TBL1X: variants seen among roughly 807,000 people sequenced by gnomAD.
The protein encoded by TBL1X is F-box-like/WD repeat-containing protein TBL1X.
In TBL1X, 10 loss-of-function variants were observed where a neutral mutation model predicts 50.7. The observed-to-expected ratio is 0.20, with a 90% CI of 0.12 to 0.33. TBL1X has a LOEUF of 0.33. Ranked by LOEUF, TBL1X falls within the 10% of genes least tolerant of loss-of-function variation. TBL1X has a pLI of 1.00. For missense variants in TBL1X, 340 were observed against 504.4 expected (o/e 0.67, Z 3.12); for synonymous variants, 190 against 214.7 (o/e 0.88, Z 1.01).
chrX:9,506,403 A>G (rs1483054545), intron 2 of TBL1X, among the ~76,000 whole-genome samples: 1 of 111,784 alleles, frequency 8.9e-6, no homozygotes, highest in African/African-American at 3.3e-5. Context: ...GAGAGGCAAG[A>G]GCAAACTAAT....
intron 2 of TBL1X, among the ~76,000 whole-genome samples, chrX:9,518,204 T>C (rs1312147564): frequency 1.8e-5 from 2 of 112,339 alleles, no homozygotes; most frequent in African/African-American, 6.5e-5. Context: ...TGCCCATTCA[T>C]GGACATATTT....
At chrX:9,518,405 A>G (rs1194489898) in intron 2 of TBL1X, among the ~76,000 whole-genome samples, 1 of 111,196 alleles carries the variant, frequency 9.0e-6, no homozygotes, top group Non-Finnish European at 1.9e-5. Flanking sequence ...CTTCATTTCC[A>G]CCCTACTCTC....
chrX:9,481,455 CTGTT>C (rs2081882115), intron 1 of TBL1X, among the ~76,000 whole-genome samples: 1 of 112,077 alleles, frequency 8.9e-6, no homozygotes, highest in East Asian at 2.8e-4. Context: ...AATTTGAAAA[CTGTT>C]TGCAAGTATA....
At chrX:9,689,739 C>T (rs935825823) in intron 7 of TBL1X, among the ~76,000 whole-genome samples, 6 of 112,889 alleles carry the variant, frequency 5.3e-5, no homozygotes, top group Non-Finnish European at 9.4e-5. Context: ...CCTGCCACTG[C>T]GTGGCTGGCT....
chrX:9,551,156 C>T (rs902694433), intron 2 of TBL1X, among the ~76,000 whole-genome samples: 4 of 111,470 alleles, frequency 3.6e-5, no homozygotes, highest in African/African-American at 1.3e-4. Flanking sequence ...GTATGCAGTG[C>T]ACCTGTCCCC....
chrX:9,535,616 C>A (rs1344621882), intron 2 of TBL1X, among the ~76,000 whole-genome samples: 1 of 112,239 alleles, frequency 8.9e-6, no homozygotes, highest in East Asian at 2.8e-4. Context: ...GTGAAAATAA[C>A]CTTGCACTCT....
At chrX:9,580,382 C>G (rs1408451355) in intron 2 of TBL1X, among the ~76,000 whole-genome samples, 1 of 111,856 alleles carries the variant, frequency 8.9e-6, no homozygotes, top group Non-Finnish European at 1.9e-5. Flanking sequence ...CGGGACAACT[C>G]AAAGTGGGGA....
intron 1 of TBL1X, among the ~76,000 whole-genome samples, chrX:9,496,285 C>G (rs1475507657): frequency 8.9e-6 from 1 of 112,113 alleles, no homozygotes; most frequent in Non-Finnish European, 1.9e-5. Context: ...TTTTGGCCAA[C>G]AAGCCAGAGA....
Position 9,616,819 on chromosome X carries a change from G to A in TBL1X, c.-130-23454G>A, listed in dbSNP as rs1340765561. On this transcript the variant is annotated intron_variant, in intron 2 of 17. Coordinates refer to ENST00000645353, the MANE Select transcript of TBL1X (RefSeq NM_005647.4). ...GTTCTGAATGCTCCTGTTGTCCTGTGAGGTGAATTTCCATTTGGTGAAGAT... is the reference window on the plus strand; with the variant it reads ...GTTCTGAATGCTCCTGTTGTCCTGTAAGGTGAATTTCCATTTGGTGAAGAT... 3.6e-5 allele frequency among the ~76,000 whole-genome samples: 4 copies of A among 111,808 alleles called. No homozygotes were observed. In the Admixed American group the frequency reaches 3.8e-4, roughly 11 times the overall value.
rs112697046 is a variant in TBL1X, at chrX:9,588,283, A to G, written c.-130-51990A>G. ...AGGATACTCGGATTTTGGTATCTGC[A>G]GGGGTCCTGGACCCATCCCCTGTGG... On this transcript the variant is annotated intron_variant, in intron 2 of 17. Coordinates refer to ENST00000645353, the MANE Select transcript of TBL1X (RefSeq NM_005647.4). Among the ~76,000 whole-genome samples the G allele has an allele frequency of 7.4e-3, 821 of 111,597 alleles. 9 individuals carry two copies. The highest frequency in any genetic ancestry group is 0.025 in the African/African-American group (777 of 30,647).
At chrX:9,481,721 C>T (rs953537449) in intron 1 of TBL1X, among the ~76,000 whole-genome samples, 15 of 112,089 alleles carry the variant, frequency 1.3e-4, no homozygotes, top group African/African-American at 4.9e-4. Context: ...GGTCCAGGAG[C>T]TCCAAGTTAT....
chrX:9,579,057 G>GT (rs2082426883), intron 2 of TBL1X, among the ~76,000 whole-genome samples: 1 of 111,859 alleles, frequency 8.9e-6, no homozygotes, highest in South Asian at 3.8e-4. Flanking sequence ...GCAATGTATT[G>GT]TTTTTTCTTC....
chrX:9,481,227 C>T (rs1004320035), intron 1 of TBL1X, among the ~76,000 whole-genome samples: 3 of 112,118 alleles, frequency 2.7e-5, no homozygotes, highest in Non-Finnish European at 5.6e-5. Flanking sequence ...TCATGGATAT[C>T]GAGCAGAACA....
chrX:9,486,215 G>A (rs139774287), intron 1 of TBL1X, among the ~76,000 whole-genome samples: 4 of 108,083 alleles, frequency 3.7e-5, no homozygotes, highest in African/African-American at 1.4e-4. Flanking sequence ...ATGGTACCTG[G>A]ACATTTTTTT....
chrX:9,623,797 A>C (rs1303358255), intron 2 of TBL1X, among the ~76,000 whole-genome samples: 2 of 112,298 alleles, frequency 1.8e-5, no homozygotes, highest in Non-Finnish European at 1.9e-5. Flanking sequence ...GGGCTTTTCC[A>C]AGGGTCTGAG....
chrX:9,565,635 C>T (rs1030131334), intron 2 of TBL1X, among the ~76,000 whole-genome samples: 3 of 110,974 alleles, frequency 2.7e-5, no homozygotes, highest in Non-Finnish European at 3.8e-5. Flanking sequence ...TTGAGACCAG[C>T]CTGGGCAGCA....
chrX:9,714,336 T>C (rs1569108815), intron 16 of TBL1X, among the ~76,000 whole-genome samples: 1 of 112,177 alleles, frequency 8.9e-6, no homozygotes, highest in African/African-American at 3.2e-5. Flanking sequence ...GGTGGGTGTA[T>C]TCATTATGTT....
chrX:9,492,202 T>G (rs779915430), intron 1 of TBL1X, among the ~76,000 whole-genome samples: 1 of 111,861 alleles, frequency 8.9e-6, no homozygotes, highest in African/African-American at 3.2e-5. Context: ...GGAAGGACGC[T>G]TAGTGGTTTG....
intron 2 of TBL1X, among the ~76,000 whole-genome samples, chrX:9,555,906 G>T (rs970843169): frequency 6.3e-5 from 7 of 111,719 alleles, no homozygotes; most frequent in Non-Finnish European, 1.1e-4. Context: ...GAAATGAATG[G>T]GTTGGGTGCA....
Sources: allele counts gnomAD v4.1 joint callset (sites outside exome capture counted in the v4.1 genomes callset), GRCh38; gene constraint gnomAD v4.1.1; transcripts MANE v1.5; gene names NCBI Gene and HGNC (gene_info 2026-07-23, HGNC 2026-07-21).